The following ADGRG3 variants were observed in gnomAD, a reference collection of about 807,000 sequenced individuals.
The protein encoded by ADGRG3 is adhesion G protein-coupled receptor G3.
Under a neutral mutation model 54.3 loss-of-function variants are expected in ADGRG3, and 39 were observed. The ratio of observed to expected loss-of-function variants is 0.72; its 90% CI spans 0.56 to 0.94. The LOEUF is 0.94. Ranked by LOEUF, ADGRG3 falls within the 40% of genes least tolerant of loss-of-function variation. The probability of loss-of-function intolerance (pLI) is 0.00; values close to 1 mark genes in which losing one functional copy is unlikely to be tolerated. For synonymous variants in ADGRG3, 312 were observed against 290.0 expected (o/e 1.08, Z -0.77); for missense variants, 654 against 694.6 (o/e 0.94, Z 0.66).
chr16:57,676,284 G>T lies in ADGRG3; in HGVS notation c.291G>T (p.Gln97His). 6.2e-7 allele frequency: 1 copy of T among 1,614,172 alleles called. No individual in the cohort carries two copies. The change falls in exon 3 of 12, where the codon CAG becomes CAT. Residue 97 changes from glutamine (Q) to histidine (H), a missense_variant. Coordinates refer to ENST00000333493, the MANE Select transcript of ADGRG3 (RefSeq NM_170776.5). ...VNTPFLKALVQNLSTNTAEDF... is the reference protein window; with the variant it reads ...VNTPFLKALVHNLSTNTAEDF... The stretch of plus-strand genomic sequence containing the variant: ...CGCCTTTCCTGAAGGCTTTGGTCCA[G>T]AACCTCAGCACCAACACTGCAGAAG...
chr16:57,679,279 GAGA>G lies in ADGRG3; in HGVS notation c.596_598del (p.Glu199_Ile200delinsVal). Reference sequence around the variant, plus strand: ...TGTCACCAAGCTGGCTGAGCCTCTGGAGATCGTCTTCTCTCACCAGCGACCGCC... The same window carrying G: ...TGTCACCAAGCTGGCTGAGCCTCTGGTCGTCTTCTCTCACCAGCGACCGCC... On this transcript the variant is annotated inframe_deletion, in exon 5 of 12. Coordinates refer to ENST00000333493, the MANE Select transcript of ADGRG3 (RefSeq NM_170776.5). 1 of 1,613,994 alleles carries G rather than the reference GAGA, an allele frequency of 6.2e-7. No homozygotes were observed. The highest frequency in any genetic ancestry group is 1.1e-5 in the South Asian group (1 of 91,086).
intron 8 of ADGRG3, chr16:57,682,577 G>A (rs923394978): frequency 1.8e-5 from 18 of 985,336 alleles, no homozygotes; most frequent in Admixed American, 6.1e-5. Context: ...GGCTTGGAGC[G>A]CCAGGAGAAA....
At chr16:57,669,729 C>T (rs1000320039) in intron 1 of ADGRG3, among the ~76,000 whole-genome samples, 4 of 152,186 alleles carry the variant, frequency 2.6e-5, no homozygotes, top group Non-Finnish European at 5.9e-5. Flanking sequence ...CAGGAAGCAT[C>T]GATGGTGCCC....
rs1432492273 is a variant in ADGRG3 at position 57,668,421 on chromosome 16, C to T, written c.58+16C>T. The stretch of plus-strand genomic sequence containing the variant: ...CCGACCTCAGGTGAGTGGCTGGCAC[C>T]TCATCCCCTCCTGCCACGCTGGGCC... On this transcript the variant is annotated intron_variant, in intron 1 of 11. Transcript: ENST00000333493. The T allele has an allele frequency of 6.4e-7, 1 of 1,558,750 alleles. No individual in the cohort carries two copies. Among genetic ancestry groups the T allele is most frequent in the East Asian group, 2.3e-5 (1 of 43,318 alleles).
intron 10 of ADGRG3, 34 bp downstream of exon 10, chr16:57,684,517 A>T: frequency 6.8e-7 from 1 of 1,474,896 alleles, no homozygotes; most frequent in Non-Finnish European, 9.5e-7. Flanking sequence ...GGGTGATGCC[A>T]GCTCCCCGGC....
chr16:57,666,385 T>A (rs959336954), upstream of ADGRG3, among the ~76,000 whole-genome samples: 10 of 152,374 alleles, frequency 6.6e-5, no homozygotes, highest in African/African-American at 2.4e-4. Context: ...TCCATGCTGA[T>A]CCTTTTACCC....
At chr16:57,671,926 G>C (rs147643808) in intron 1 of ADGRG3, among the ~76,000 whole-genome samples, 11 of 152,328 alleles carry the variant, frequency 7.2e-5, no homozygotes, top group African/African-American at 2.6e-4. Context: ...TGGAAGGCCA[G>C]GGTGAGCGGA....
intron 1 of ADGRG3, among the ~76,000 whole-genome samples, chr16:57,669,028 T>A (rs1193353786): frequency 6.6e-6 from 1 of 152,182 alleles, no homozygotes; most frequent in Non-Finnish European, 1.5e-5. Context: ...TGCTGGCCTC[T>A]CTCCCAGGAA....
chr16:57,688,287 G>A, intron 11 of ADGRG3, 65 bp from the exon 12 acceptor site: 1 of 1,030,818 alleles, frequency 9.7e-7, no homozygotes, highest in Non-Finnish European at 1.5e-6. Context: ...GCAGCCACCA[G>A]CCCAGGCTGC....
chr16:57,670,651 A>G (rs1194891409), intron 1 of ADGRG3, among the ~76,000 whole-genome samples: 1 of 152,180 alleles, frequency 6.6e-6, no homozygotes, highest in Non-Finnish European at 1.5e-5. Context: ...CCCATTAAAC[A>G]ATGCATCATA....
chr16:57,687,818 A>T (rs564628308), intron 11 of ADGRG3, among the ~76,000 whole-genome samples: 35 of 152,332 alleles, frequency 2.3e-4, no homozygotes, highest in South Asian at 1.0e-3. Context: ...CTAAGTTTCC[A>T]CTGGGTCTGA....
Position 57,684,405 on chromosome 16 carries a change from T to TG in ADGRG3, c.1180dup (p.Val394GlyfsTer17). The TG allele has an allele frequency of 6.2e-7, 1 of 1,613,722 alleles. No homozygotes were observed. Among genetic ancestry groups the TG allele is most frequent in the Non-Finnish European group, 8.5e-7 (1 of 1,179,830 alleles). On this transcript the variant is annotated frameshift_variant, in exon 10 of 12. Coordinates refer to ENST00000333493, the MANE Select transcript of ADGRG3 (RefSeq NM_170776.5). LOFTEE classifies it high-confidence loss of function. ...TTGTGCCCAGGCCTGCCCGCCCTGA[T>TG]GGTCATCGGCACTGGGAGTGCCAAC... is the stretch of plus-strand genomic sequence containing the variant.
In ADGRG3 at chr16:57,688,380, C is replaced by T. The variant is rs1340612665; in HGVS notation, c.1569C>T (p.Ile523=). 3.1e-6 allele frequency: 5 copies of T among 1,613,188 alleles called. No individual in the cohort carries two copies. Among genetic ancestry groups the T allele is most frequent in the Non-Finnish European group, 4.2e-6 (5 of 1,179,282 alleles). ...QGVFICCWFT[I]LYLPSQSTTV... The stretch of plus-strand genomic sequence containing the variant: ...TCTTCATCTGCTGCTGGTTCACCAT[C>T]CTTTACCTCCCAAGTCAGAGCACCA... Residue 523 remains isoleucine (I), a synonymous_variant, in exon 12 of 12, where the codon ATC becomes ATT. Coordinates refer to ENST00000333493, the MANE Select transcript of ADGRG3 (RefSeq NM_170776.5).
At chr16:57,668,169 T>C (rs1193875016), upstream of ADGRG3, 4 of 608,698 alleles carry the variant, frequency 6.6e-6, no homozygotes, top group Non-Finnish European at 8.7e-6. Flanking sequence ...ACTGCCCAGT[T>C]CCCCACACTC....
upstream of ADGRG3, among the ~76,000 whole-genome samples, chr16:57,666,370 A>G (rs1359179334): frequency 3.3e-5 from 5 of 152,252 alleles, no homozygotes; most frequent in East Asian, 9.6e-4. Flanking sequence ...CAGGGCACCA[A>G]CAGTTCCATG....
At chr16:57,675,315 C>CA (rs2048242877) in intron 2 of ADGRG3, among the ~76,000 whole-genome samples, 1 of 151,860 alleles carries the variant, frequency 6.6e-6, no homozygotes, top group Non-Finnish European at 1.5e-5. Context: ...ACCGACTCTA[C>CA]AAAAAATAAT....
chr16:57,683,260 G>C (rs1015348676), intron 8 of ADGRG3, among the ~76,000 whole-genome samples: 9 of 152,186 alleles, frequency 5.9e-5, no homozygotes, highest in Non-Finnish European at 1.2e-4. Flanking sequence ...GCCAGTGTCT[G>C]GCTTTTGACT....
chr16:57,668,286 G>A (rs1189815839), upstream of ADGRG3: 2 of 1,424,010 alleles, frequency 1.4e-6, no homozygotes, highest in Non-Finnish European at 1.9e-6. Flanking sequence ...CAGCTCAGCA[G>A]AGCCTGGGGC....
rs8052115 is a variant in ADGRG3 at position 57,688,722 on chromosome 16, A to G, written c.*261A>G. 0.013 allele frequency: 5,669 copies of G among 438,130 alleles called. 219 individuals are homozygous for G. The highest frequency in any genetic ancestry group is 0.097 in the African/African-American group (4,895 of 50,590). 27.1% of individuals were successfully genotyped at this position (438,130 alleles called of 1,614,324 possible). ...CCCCTGCCAGCAAAGAGTGACAGTC[A>G]CCTCCATGCCCTGCCCTCATTGCAA... On this transcript the variant is annotated 3_prime_UTR_variant, in exon 12 of 12. Transcript: ENST00000333493.
Sources: allele counts gnomAD v4.1 joint callset (sites outside exome capture counted in the v4.1 genomes callset), GRCh38; gene constraint gnomAD v4.1.1; transcripts MANE v1.5; gene names NCBI Gene and HGNC (gene_info 2026-07-23, HGNC 2026-07-21).